The following FBXL17 variants were observed in gnomAD, a reference collection of about 807,000 sequenced individuals.
FBXL17 encodes F-box and leucine rich repeat protein 17.
Under a neutral mutation model 66.2 loss-of-function variants are expected in FBXL17, and 22 were observed. That is an observed-to-expected ratio of 0.33 (90% CI 0.24 to 0.47). The LOEUF is 0.47. FBXL17 is among the 20% of genes least tolerant of loss of function. The pLI is 1.00. For missense variants in FBXL17, 878 were observed against 948.2 expected (o/e 0.93, Z 0.97); for synonymous variants, 474 against 400.5 (o/e 1.18, Z -2.19).
chr5:108,000,544 C>G (rs541726033), intron 7 of FBXL17, among the ~76,000 whole-genome samples: 6 of 152,282 alleles, frequency 3.9e-5, no homozygotes, highest in South Asian at 4.2e-4. Context: ...TATCTGATGA[C>G]TGCAAAAATT....
intron 4 of FBXL17, among the ~76,000 whole-genome samples, chr5:108,290,507 A>G (rs2150161258): frequency 6.6e-6 from 1 of 152,244 alleles, no homozygotes; most frequent in South Asian, 2.1e-4. Context: ...ATTCCTTCCC[A>G]TGTCAATTTC....
At chr5:108,068,711 C>T (rs1404271864) in intron 6 of FBXL17, among the ~76,000 whole-genome samples, 1 of 152,182 alleles carries the variant, frequency 6.6e-6, no homozygotes, top group Non-Finnish European at 1.5e-5. Context: ...CCCGCCTCAG[C>T]CTCCAAAAGT....
intron 7 of FBXL17, among the ~76,000 whole-genome samples, chr5:107,909,370 C>T (rs115619870): frequency 0.02 from 3,118 of 152,216 alleles, 124 homozygotes; most frequent in African/African-American, 0.071. Context: ...AGTGGCTACA[C>T]ATAACTTGCA....
intron 6 of FBXL17, among the ~76,000 whole-genome samples, chr5:108,126,389 G>A (rs1267998034): frequency 2.6e-5 from 4 of 151,808 alleles, no homozygotes; most frequent in Admixed American, 6.6e-5. Context: ...AAACCACTAT[G>A]CATTTTTTTA....
At chr5:108,164,528 T>A (rs891091706) in intron 6 of FBXL17, among the ~76,000 whole-genome samples, 35 of 152,280 alleles carry the variant, frequency 2.3e-4, no homozygotes, top group Non-Finnish European at 5.0e-4. Flanking sequence ...GTGGTGGTAA[T>A]GTCTCAAATT....
chr5:107,892,017 C>G (rs1159455923), intron 7 of FBXL17, among the ~76,000 whole-genome samples: 1 of 152,086 alleles, frequency 6.6e-6, no homozygotes, highest in Non-Finnish European at 1.5e-5. Flanking sequence ...CTTAAATGTG[C>G]TCAGACATTT....
intron 4 of FBXL17, among the ~76,000 whole-genome samples, chr5:108,295,543 A>C (rs1211139920): frequency 2.0e-5 from 3 of 152,024 alleles, no homozygotes; most frequent in Non-Finnish European, 4.4e-5. Context: ...CTATATTATT[A>C]TACAGACTCC....
intron 4 of FBXL17, among the ~76,000 whole-genome samples, chr5:108,302,512 A>G (rs1054302698): frequency 6.6e-6 from 1 of 151,840 alleles, no homozygotes; most frequent in Non-Finnish European, 1.5e-5. Flanking sequence ...TTAGAAAATT[A>G]AGAGATACTT....
intron 5 of FBXL17, among the ~76,000 whole-genome samples, chr5:108,206,101 C>T (rs1754106761): frequency 6.6e-6 from 1 of 152,048 alleles, no homozygotes; most frequent in Admixed American, 6.6e-5. Context: ...ATCGCTTTTG[C>T]TTTCATTGAT....
chr5:108,245,221 G>A (rs1264731171), intron 4 of FBXL17, among the ~76,000 whole-genome samples: 1 of 152,020 alleles, frequency 6.6e-6, no homozygotes, highest in Non-Finnish European at 1.5e-5. Flanking sequence ...GCAAGAGCAC[G>A]ACCTTCAAAA....
intron 7 of FBXL17, among the ~76,000 whole-genome samples, chr5:107,939,792 T>C (rs928323392): frequency 6.6e-6 from 1 of 152,134 alleles, no homozygotes; most frequent in African/African-American, 2.4e-5. Flanking sequence ...TAGCTCTTTC[T>C]TGTGCACTCC....
intron 6 of FBXL17, among the ~76,000 whole-genome samples, chr5:108,062,322 A>G (rs1237841823): frequency 6.6e-6 from 1 of 152,182 alleles, no homozygotes; most frequent in Non-Finnish European, 1.5e-5. Context: ...AAGTAAGCAT[A>G]TTAGCATATA....
intron 4 of FBXL17, chr5:108,299,702 C>T: frequency 1.0e-6 from 1 of 984,208 alleles, no homozygotes; most frequent in Non-Finnish European, 1.2e-6. Context: ...GGCTGCTTGT[C>T]CAGTAATGCC....
chr5:108,190,386 A>G (rs1389691036), intron 5 of FBXL17, among the ~76,000 whole-genome samples: 2 of 152,202 alleles, frequency 1.3e-5, no homozygotes, highest in Non-Finnish European at 2.9e-5. Context: ...AGAGAGACAG[A>G]GAGTCTGAGA....
At chr5:108,154,967 T>C (rs978437304) in intron 6 of FBXL17, among the ~76,000 whole-genome samples, 24 of 151,924 alleles carry the variant, frequency 1.6e-4, no homozygotes, top group African/African-American at 5.8e-4. Context: ...CCCTTCAGAC[T>C]TAATAAGAAA....
chr5:108,347,838 A>G (rs766849754), intron 4 of FBXL17, among the ~76,000 whole-genome samples: 3 of 152,218 alleles, frequency 2.0e-5, no homozygotes, highest in Non-Finnish European at 2.9e-5. Flanking sequence ...TATGTGAATT[A>G]TCTCTCAAAA....
chr5:107,898,992 T>G (rs1402408489), intron 7 of FBXL17, among the ~76,000 whole-genome samples: 1 of 152,206 alleles, frequency 6.6e-6, no homozygotes, highest in Non-Finnish European at 1.5e-5. Context: ...GTAATGGGAC[T>G]GCTGGATCAA....
chr5:108,283,836 A>C (rs1757794363), intron 4 of FBXL17, among the ~76,000 whole-genome samples: 1 of 152,068 alleles, frequency 6.6e-6, no homozygotes, highest in East Asian at 1.9e-4. Context: ...GCTCACCAAC[A>C]ACCAAAGACT....
At chr5:107,974,637 T>C (rs1301537163) in intron 7 of FBXL17, among the ~76,000 whole-genome samples, 1 of 152,166 alleles carries the variant, frequency 6.6e-6, no homozygotes, top group Non-Finnish European at 1.5e-5. Context: ...TGACTGAAAA[T>C]TCAACTGCCA....
Sources: allele counts gnomAD v4.1 joint callset (sites outside exome capture counted in the v4.1 genomes callset), GRCh38; gene constraint gnomAD v4.1.1; transcripts MANE v1.5; gene names NCBI Gene and HGNC (gene_info 2026-07-23, HGNC 2026-07-21).